RAP2A: variants seen among roughly 807,000 people sequenced by gnomAD.
RAP2A encodes the protein RAP2A, member of RAS oncogene family.
RAP2A carries 5 observed loss-of-function variants against 15.1 expected under a neutral mutation model. The observed-to-expected ratio is 0.33, with a 90% CI of 0.17 to 0.70. RAP2A has a LOEUF of 0.70. Among genes scored for constraint, RAP2A ranks in the 30% least tolerant of loss-of-function variants. The pLI, the probability that RAP2A is intolerant of heterozygous loss-of-function variation, is 0.68. For synonymous variants in RAP2A, 110 were observed against 99.7 expected, an observed-to-expected ratio of 1.10 and a Z score of -0.62; for missense variants, 111 against 240.3, an observed-to-expected ratio of 0.46 and a Z score of 3.56.
intron 1 of RAP2A, among the ~76,000 whole-genome samples, chr13:97,443,290 A>C (rs1269547469): frequency 6.6e-6 from 1 of 152,218 alleles, no homozygotes; most frequent in Non-Finnish European, 1.5e-5. Context: ...TGACCCTTAG[A>C]AATTAATAAT....
At chr13:97,445,101 A>T (rs2066674251) in intron 1 of RAP2A, among the ~76,000 whole-genome samples, 1 of 152,210 alleles carries the variant, frequency 6.6e-6, no homozygotes, top group Admixed American at 6.5e-5. Flanking sequence ...ATCATGACCG[A>T]ATCACTTCCT....
At chr13:97,440,972 C>T (rs1171028189) in intron 1 of RAP2A, among the ~76,000 whole-genome samples, 1 of 152,182 alleles carries the variant, frequency 6.6e-6, no homozygotes, top group Non-Finnish European at 1.5e-5. Context: ...TACAGTGAAT[C>T]ACTTTATGTG....
chr13:97,460,239 C>G (rs1393158659), intron 1 of RAP2A, among the ~76,000 whole-genome samples: 1 of 152,182 alleles, frequency 6.6e-6, no homozygotes, highest in Non-Finnish European at 1.5e-5. Flanking sequence ...ACTCCTGATG[C>G]ACACTTTCAT....
chr13:97,440,019 A>G (rs1594322038), intron 1 of RAP2A, among the ~76,000 whole-genome samples: 1 of 152,136 alleles, frequency 6.6e-6, no homozygotes, highest in Non-Finnish European at 1.5e-5. Context: ...CTAAAACAGA[A>G]GCATATTACC....
At chr13:97,461,442 T>G (rs2066745555) in intron 1 of RAP2A, among the ~76,000 whole-genome samples, 2 of 152,220 alleles carry the variant, frequency 1.3e-5, no homozygotes, top group South Asian at 2.1e-4. Context: ...CTGACTGCAT[T>G]TTCATCTACA....
chr13:97,434,256 C>T lies in RAP2A; in HGVS notation c.-215C>T, dbSNP rs1474796148. On this transcript the variant is annotated 5_prime_UTR_variant, in exon 1 of 2. Coordinates refer to ENST00000245304, the MANE Select transcript of RAP2A (RefSeq NM_021033.7). ...GTCCCACCCGGTGCCTACGGGGCCG[C>T]ATCGCCGCCCGGCTCGGCCCGGCCC... 6.4e-6 allele frequency: 1 copy of T among 157,120 alleles called. No individual in the cohort carries two copies. The highest frequency in any genetic ancestry group is 2.4e-5 in the African/African-American group (1 of 40,870). The allele number at this position is 157,120 out of a possible 1,614,324, so 9.7% of individuals were successfully genotyped here. A position where few individuals can be genotyped will look rare whatever the true frequency, so the allele number is the denominator to read the frequency against.
Position 97,434,647 on chromosome 13 carries a change from G to T in RAP2A, c.177G>T (p.Ala59=), listed in dbSNP as rs763937231. 3.1e-6 allele frequency: 5 copies of T among 1,614,176 alleles called. No individual in the cohort carries two copies. The South Asian group carries it at 4.4e-5, about 14-fold the overall frequency. ...CGGTGCTGGAGATCCTGGACACGGC[G>T]GGCACCGAGCAGTTCGCGTCCATGC... The part of the protein sequence containing the change: ...SPSVLEILDT[A]GTEQFASMRD... Residue 59 remains alanine, a synonymous_variant, in exon 1 of 2, where the codon GCG becomes GCT. Coordinates refer to ENST00000245304, the MANE Select transcript of RAP2A (RefSeq NM_021033.7).
chr13:97,460,064 C>T (rs527612522), intron 1 of RAP2A, among the ~76,000 whole-genome samples: 4 of 152,268 alleles, frequency 2.6e-5, no homozygotes, highest in East Asian at 1.9e-4. Context: ...GTTTGAACAA[C>T]GTTGTCTGTG....
In RAP2A at chr13:97,464,452, A is replaced by C. The variant is rs372898845; in HGVS notation, c.*10A>C. ...ATGTAACATACAATAGCATCCAAAT[A>C]TGGCTGTCCTGGATGGGATTTGCCC... On this transcript the variant is annotated 3_prime_UTR_variant, in exon 2 of 2. Coordinates refer to ENST00000245304, the MANE Select transcript of RAP2A (RefSeq NM_021033.7). 343 of 1,611,320 alleles carry C rather than the reference A, an allele frequency of 2.1e-4. 2 individuals carry two copies. In the African/African-American group the frequency reaches 4.2e-3, roughly 20 times the overall value.
chr13:97,455,708 T>C (rs1172664906), intron 1 of RAP2A, among the ~76,000 whole-genome samples: 1 of 151,538 alleles, frequency 6.6e-6, no homozygotes, highest in African/African-American at 2.4e-5. Flanking sequence ...ACCTTTGTTA[T>C]ACTGCTTTGA....
rs202174145 is a variant in RAP2A at position 97,464,268 on chromosome 13, A to G, written c.378A>G (p.Val126=). The G allele has an allele frequency of 1.2e-6, 2 of 1,614,232 alleles. No homozygotes were observed. Among genetic ancestry groups the G allele is most frequent in the Admixed American group, 3.3e-5 (2 of 60,036 alleles). Residue 126 remains valine, a synonymous_variant, in exon 2 of 2, where the codon GTA becomes GTG. Coordinates refer to ENST00000245304, the MANE Select transcript of RAP2A (RefSeq NM_021033.7). ...TGGACCTGGAAAGTGAGAGAGAAGT[A>G]TCGTCCAGCGAAGGCAGAGCCCTTG... ...NKVDLESERE[V]SSSEGRALAE...
intron 1 of RAP2A, chr13:97,437,159 A>G (rs2066637584): frequency 6.6e-6 from 1 of 152,208 alleles, no homozygotes; most frequent in African/African-American, 2.4e-5. Context: ...AATGTATTTT[A>G]TTTAACCCAC....
At chr13:97,447,787 ATTCTAC>A (rs932483750) in intron 1 of RAP2A, among the ~76,000 whole-genome samples, 32 of 152,126 alleles carry the variant, frequency 2.1e-4, no homozygotes, top group African/African-American at 7.2e-4. Flanking sequence ...TCATTATCTC[ATTCTAC>A]TTTGTGTGTC....
At chr13:97,445,688 G>T (rs1031597179) in intron 1 of RAP2A, among the ~76,000 whole-genome samples, 2 of 151,844 alleles carry the variant, frequency 1.3e-5, no homozygotes, top group Non-Finnish European at 2.9e-5. Flanking sequence ...GCTGTGTGGA[G>T]CTCTGTGCAG....
At chr13:97,456,143 T>C (rs184958592) in intron 1 of RAP2A, among the ~76,000 whole-genome samples, 1 of 144,484 alleles carries the variant, frequency 6.9e-6, no homozygotes, top group African/African-American at 2.6e-5. Flanking sequence ...AGTGAGGGTT[T>C]TCAGCCCACA....
intron 1 of RAP2A, 105 bp downstream of exon 1, chr13:97,434,889 G>C (rs1010331345): frequency 2.1e-6 from 3 of 1,459,210 alleles, no homozygotes; most frequent in South Asian, 1.3e-5. Flanking sequence ...CTGGGGGGTG[G>C]CTCCAAGCTG....
intron 1 of RAP2A, among the ~76,000 whole-genome samples, chr13:97,441,138 C>G (rs1326247504): frequency 6.6e-6 from 1 of 152,124 alleles, no homozygotes; most frequent in Non-Finnish European, 1.5e-5. Flanking sequence ...CTCTAACATT[C>G]TGTGAGAGCA....
intron 1 of RAP2A, among the ~76,000 whole-genome samples, chr13:97,439,158 T>G (rs2066646332): frequency 6.6e-6 from 1 of 152,020 alleles, no homozygotes; most frequent in Non-Finnish European, 1.5e-5. Flanking sequence ...TATATAGAAG[T>G]GTGAGGGGAG....
chr13:97,444,546 A>G (rs576339439), intron 1 of RAP2A, among the ~76,000 whole-genome samples: 2 of 152,336 alleles, frequency 1.3e-5, no homozygotes, highest in South Asian at 4.1e-4. Flanking sequence ...AACTAATATC[A>G]TTTAAGCCAC....
Sources: allele counts gnomAD v4.1 joint callset (sites outside exome capture counted in the v4.1 genomes callset), GRCh38; gene constraint gnomAD v4.1.1; transcripts MANE v1.5; gene names NCBI Gene and HGNC (gene_info 2026-07-23, HGNC 2026-07-21).